The following SEL1L3 variants were observed in gnomAD, a reference collection of about 807,000 sequenced individuals.
SEL1L3 encodes the protein SEL1L family member 3.
A neutral mutation model predicts 142.8 loss-of-function variants in SEL1L3; 76 were observed. The observed-to-expected ratio is 0.53, with a 90% CI of 0.44 to 0.64. The LOEUF is 0.64. Ranked by LOEUF, SEL1L3 falls within the 30% of genes least tolerant of loss-of-function variation. SEL1L3 has a pLI of 0.00. For missense variants in SEL1L3, 1,262 were observed against 1,381.7 expected (o/e 0.91, Z 1.37); for synonymous variants, 504 against 519.6 (o/e 0.97, Z 0.41).
At chr4:25,731,647 C>T in the SEL1L3 span, among the ~76,000 whole-genome samples, 10,969 of 152,206 alleles carry the variant, frequency 0.072, 826 homozygotes, top group African/African-American at 0.19. Flanking sequence ...AACTGTGTTA[C>T]GTGTGTATTA....
rs150489097 is a variant in SEL1L3, at chr4:25,835,602, A to G, written c.734-279T>C. On this transcript the variant is annotated intron_variant, in intron 2 of 23. Transcript: ENST00000399878. Reference sequence around the variant, plus strand: ...CGAGGCTAAGTTCACAAAGTTAATAAGTGATAGAACCACAATTCAGGTTCT... The same window carrying G: ...CGAGGCTAAGTTCACAAAGTTAATAGGTGATAGAACCACAATTCAGGTTCT... Among the ~76,000 whole-genome samples the G allele has an allele frequency of 8.5e-3, 1,302 of 152,348 alleles. 22 individuals carry two copies. Among genetic ancestry groups the G allele is most frequent in the African/African-American group, 0.029 (1,219 of 41,572 alleles).
chr4:25,796,184 C>T (rs1372908349), intron 11 of SEL1L3, among the ~76,000 whole-genome samples: 1 of 152,208 alleles, frequency 6.6e-6, no homozygotes, highest in Non-Finnish European at 1.5e-5. Flanking sequence ...CAGGACCAAG[C>T]CCCAGAGAAG....
intron 1 of SEL1L3, among the ~76,000 whole-genome samples, chr4:25,849,162 G>C (rs1210552319): frequency 6.6e-6 from 1 of 152,116 alleles, no homozygotes; most frequent in African/African-American, 2.4e-5. Context: ...GGTATGATCA[G>C]ACCCAGCAAT....
chr4:25,816,570 C>A (rs955592949), intron 9 of SEL1L3, among the ~76,000 whole-genome samples: 3 of 152,202 alleles, frequency 2.0e-5, no homozygotes, highest in African/African-American at 7.2e-5. Flanking sequence ...ATATTCCCTT[C>A]TTCCAGCTCC....
In SEL1L3 at chr4:25,847,484, G is replaced by A. The variant is rs1415399650; in HGVS notation, c.543C>T (p.Tyr181=). The change falls in exon 2 of 24, where the codon TAC becomes TAT. Residue 181 remains tyrosine, a synonymous_variant. Transcript: ENST00000399878. The stretch of plus-strand genomic sequence containing the variant: ...ATTTAACATTCCAGTCTCTGCCACT[G>A]TATTTGTGAGTAATCCAGGCGCGTA... The part of the protein sequence containing the change: ...VIVRAWITHK[Y]SGRDWNVKWE... 1.9e-6 allele frequency: 3 copies of A among 1,613,988 alleles called. No individual in the cohort carries two copies. The highest frequency in any genetic ancestry group is 3.3e-5 in the Admixed American group (2 of 60,024).
downstream of SEL1L3, among the ~76,000 whole-genome samples, chr4:25,745,394 CAA>C (rs111275488): frequency 4.4e-4 from 51 of 115,570 alleles, no homozygotes; most frequent in Non-Finnish European, 6.1e-4. Context: ...GACTCAGTCT[CAA>C]AAAAAAAAAA....
At chr4:25,769,908 G>A (rs1232520567) in intron 17 of SEL1L3, among the ~76,000 whole-genome samples, 4 of 152,078 alleles carry the variant, frequency 2.6e-5, no homozygotes, top group South Asian at 2.1e-4. Flanking sequence ...CGGGAAGATC[G>A]CTTGAGCTCT....
At position 25,795,971 on chromosome 4, in the gene SEL1L3, T is replaced by C. The variant is rs559512322; in HGVS notation, c.1957-5397A>G. ...CGGGTGTGTGGGGTAGGGGCAGAGC[T>C]GGTGGACACTGGCAGGAACCAAGCG... On this transcript the variant is annotated intron_variant, in intron 11 of 23. Transcript: ENST00000399878. Among the ~76,000 whole-genome samples, 6 of 151,766 alleles carry C rather than the reference T, an allele frequency of 4.0e-5. No homozygotes were observed. The South Asian group carries it at 1.2e-3, about 32-fold the overall frequency.
At chr4:25,730,205 T>G in the SEL1L3 span, among the ~76,000 whole-genome samples, 1 of 152,102 alleles carries the variant, frequency 6.6e-6, no homozygotes, top group Non-Finnish European at 1.5e-5. Context: ...AAGTGCTGGG[T>G]GAGCCACCGA....
chr4:25,767,602 G>A lies in SEL1L3; in HGVS notation c.2768C>T (p.Ala923Val). ...ACAGTTAACACCCAAGTATCTCCTG[G>A]CCAGGTCCTAAGGGGTAAAGGGAAG... is the stretch of plus-strand genomic sequence containing the variant. The part of the protein sequence containing the change: ...AHICEERPDL[A>V]RRYLGVNCVW... Residue 923 changes from alanine (A) to valine (V), a missense_variant, in exon 19 of 24, where the codon GCC (alanine) becomes GTC (valine). Ala to Val is a moderately conservative substitution (Grantham distance 64). Coordinates refer to ENST00000399878, the MANE Select transcript of SEL1L3 (RefSeq NM_015187.5). 1 of 1,596,538 alleles carries A rather than the reference G, an allele frequency of 6.3e-7. No individual in the cohort carries two copies. Among genetic ancestry groups the A allele is most frequent in the Non-Finnish European group, 8.6e-7 (1 of 1,168,176 alleles).
chr4:25,840,461 ATGAAATTTT>A (rs1167802640), intron 2 of SEL1L3, among the ~76,000 whole-genome samples: 6 of 152,254 alleles, frequency 3.9e-5, no homozygotes, highest in African/African-American at 1.4e-4. Context: ...TTTTGTTGTA[ATGAAATTTT>A]GTTATAAAAA....
chr4:25,748,350 T>C lies in SEL1L3; in HGVS notation c.*75A>G. ...ACATTTAAGGTGTTTATCAGGATCA[T>C]GCCCTGGCCCCAGCTTCCCAATACC... On this transcript the variant is annotated 3_prime_UTR_variant, in exon 24 of 24. Transcript: ENST00000399878. 1 of 1,443,468 alleles carries C rather than the reference T, an allele frequency of 6.9e-7. No individual in the cohort carries two copies. The highest frequency in any genetic ancestry group is 9.4e-7 in the Non-Finnish European group (1 of 1,062,462). The allele number at this position is 1,443,468 out of a possible 1,614,324, so 89.4% of individuals were successfully genotyped here.
chr4:25,829,908 G>T (rs1715327673), intron 6 of SEL1L3, among the ~76,000 whole-genome samples, 190 bp downstream of exon 6: 1 of 151,896 alleles, frequency 6.6e-6, no homozygotes, highest in African/African-American at 2.4e-5. Context: ...AGGTTGTGGG[G>T]GAAGCAGAAA....
chr4:25,856,560 CT>C (rs1717272685), intron 1 of SEL1L3, among the ~76,000 whole-genome samples: 1 of 145,342 alleles, frequency 6.9e-6, no homozygotes, highest in Non-Finnish European at 1.5e-5. Flanking sequence ...CACAGATTCT[CT>C]TGCTTTTGTG....
chr4:25,754,646 C>T (rs1375061493), intron 23 of SEL1L3, among the ~76,000 whole-genome samples: 1 of 151,808 alleles, frequency 6.6e-6, no homozygotes, highest in East Asian at 1.9e-4. Flanking sequence ...TCAAAGTATG[C>T]TCTTACTAAA....
the SEL1L3 span, among the ~76,000 whole-genome samples, chr4:25,731,664 C>T: frequency 6.6e-6 from 1 of 152,182 alleles, no homozygotes; most frequent in Non-Finnish European, 1.5e-5. Context: ...ATTAATAGTT[C>T]ATTCCTTCTT....
the SEL1L3 span, among the ~76,000 whole-genome samples, chr4:25,721,938 G>C: frequency 8.5e-5 from 13 of 152,292 alleles, no homozygotes; most frequent in East Asian, 2.3e-3. Context: ...TTGCTGGAGA[G>C]GACAAACTTT....
At position 25,779,231 on chromosome 4, in the gene SEL1L3, G is replaced by A. The variant is rs140006108; in HGVS notation, c.2458-28C>T. The A allele has an allele frequency of 6.2e-3, 9,985 of 1,610,278 alleles. 46 individuals carry two copies. Among genetic ancestry groups the A allele is most frequent in the Non-Finnish European group, 7.7e-3 (9,060 of 1,177,810 alleles). On this transcript the variant is annotated intron_variant, in intron 15 of 23. Transcript: ENST00000399878. ...GTAACAAGAGATGAACAAACATCGAGTCATCCTAGCTGGGCTGGTTTCGCC... is the reference window on the plus strand; with the variant it reads ...GTAACAAGAGATGAACAAACATCGAATCATCCTAGCTGGGCTGGTTTCGCC...
intron 8 of SEL1L3, 141 bp from the exon 9 acceptor site, chr4:25,818,419 T>A: frequency 1.3e-6 from 1 of 756,424 alleles, no homozygotes; most frequent in Non-Finnish European, 2.0e-6. Context: ...GATTTGAAAT[T>A]GGCTATGATG....
Sources: gnomAD v4.1 joint callset for allele counts (sites outside exome capture counted in the v4.1 genomes callset) on GRCh38, gnomAD v4.1.1 for gene constraint, MANE v1.5 for transcripts, NCBI Gene and HGNC (gene_info 2026-07-23, HGNC 2026-07-21) for gene names.